LDHA: variants seen among roughly 807,000 people sequenced by gnomAD.
LDHA encodes the protein L-lactate dehydrogenase A chain.
A neutral mutation model predicts 36.3 loss-of-function variants in LDHA; 10 were observed. The ratio of observed to expected loss-of-function variants is 0.28; its 90% CI spans 0.17 to 0.47. The LOEUF is 0.47. LDHA is among the 20% of genes least tolerant of loss of function. The pLI, the probability that LDHA is intolerant of heterozygous loss-of-function variation, is 0.99. For synonymous variants in LDHA, 110 were observed against 136.7 expected (o/e 0.80, Z 1.36); for missense variants, 267 against 405.8 (o/e 0.66, Z 2.94).
In LDHA at chr11:18,408,055, T is replaced by C. The variant is rs920083001; in HGVS notation, c.*774T>C. 8.8e-6 allele frequency: 4 copies of C among 453,856 alleles called. No homozygotes were observed. Among genetic ancestry groups the C allele is most frequent in the Non-Finnish European group, 1.8e-5 (4 of 226,736 alleles). The allele number at this position is 453,856 out of a possible 1,614,324, so 28.1% of individuals were successfully genotyped here. On this transcript the variant is annotated 3_prime_UTR_variant, in exon 8 of 8. Transcript: ENST00000422447. Reference sequence around the variant, plus strand: ...AAGTCCCAAAGTATTATATATTTGATAATAATGCTAATCATAATTGGAAAG... The same window carrying C: ...AAGTCCCAAAGTATTATATATTTGACAATAATGCTAATCATAATTGGAAAG...
chr11:18,407,145 T>C lies in LDHA; in HGVS notation c.863T>C (p.Phe288Ser). Residue 288 changes from phenylalanine to serine, a missense_variant, in exon 8 of 8, where the codon TTC (phenylalanine) becomes TCC (serine). Transcript: ENST00000422447. ...KGLYGIKDDVFLSVPCILGQN... is the reference protein window; with the variant it reads ...KGLYGIKDDVSLSVPCILGQN... Reference sequence around the variant, plus strand: ...CTTTACGGAATAAAGGATGATGTCTTCCTTAGTGTTCCTTGCATTTTGGGA... The same window carrying C: ...CTTTACGGAATAAAGGATGATGTCTCCCTTAGTGTTCCTTGCATTTTGGGA... The C allele has an allele frequency of 6.2e-7, 1 of 1,610,376 alleles. No homozygotes were observed. Among genetic ancestry groups the C allele is most frequent in the East Asian group, 2.2e-5 (1 of 44,866 alleles).
At chr11:18,396,488 G>A in intron 1 of LDHA, 4 of 828,784 alleles carry the variant, frequency 4.8e-6, no homozygotes, top group Non-Finnish European at 6.6e-6. Context: ...AGGAGCCGGA[G>A]TAGCTCAGAG....
At chr11:18,397,045 A>G in intron 2 of LDHA, 77 bp downstream of exon 2, 4 of 1,273,106 alleles carry the variant, frequency 3.1e-6, no homozygotes, top group Non-Finnish European at 4.6e-6. Context: ...CTAGAACTGT[A>G]TTATTACATT....
intron 4 of LDHA, among the ~76,000 whole-genome samples, chr11:18,401,910 C>T: frequency 6.8e-6 from 1 of 147,774 alleles, no homozygotes; most frequent in Non-Finnish European, 1.5e-5. Flanking sequence ...AATTACCTGC[C>T]CAAGATCTTG....
At chr11:18,396,164 C>T (rs774970716) in intron 1 of LDHA, 6 of 191,138 alleles carry the variant, frequency 3.1e-5, no homozygotes, top group East Asian at 2.5e-4. Flanking sequence ...CCGATGCCCG[C>T]TTCCCAACGG....
At chr11:18,403,110 C>CTACTGAATGGAT in intron 5 of LDHA, 97 bp downstream of exon 5, 3 of 998,726 alleles carry the variant, frequency 3.0e-6, no homozygotes, top group Non-Finnish European at 4.6e-6. Context: ...AATATCCATT[C>CTACTGAATGGAT]AGTAGGATGG....
At chr11:18,398,542 C>G (rs564856089) in intron 2 of LDHA, 1 of 149,804 alleles carries the variant, frequency 6.7e-6, no homozygotes, top group Admixed American at 6.7e-5. Context: ...CCCACCGCCA[C>G]GCCTGGCTGA....
chr11:18,397,464 T>TA (rs1866341611), intron 2 of LDHA: 1 of 153,164 alleles, frequency 6.5e-6, no homozygotes, highest in Non-Finnish European at 1.5e-5. Flanking sequence ...CACTCCTTAT[T>TA]ACACTATTGA....
At chr11:18,399,199 A>C in intron 2 of LDHA, 2 of 489,488 alleles carry the variant, frequency 4.1e-6, no homozygotes, top group Admixed American at 3.3e-5. Flanking sequence ...GAACTCCTAT[A>C]GAGCTCGCTT....
intron 3 of LDHA, chr11:18,399,841 C>T (rs1277031055): frequency 2.7e-6 from 1 of 364,564 alleles, no homozygotes; most frequent in Non-Finnish European, 5.3e-6. Context: ...GTGATCCTCC[C>T]TCCTTAGCCT....
intron 1 of LDHA, chr11:18,396,346 G>A: frequency 2.5e-6 from 1 of 396,578 alleles, no homozygotes; most frequent in East Asian, 3.6e-5. Flanking sequence ...GCGGGAAGGA[G>A]AGCCACAAAG....
chr11:18,396,188 G>C (rs1199912600), intron 1 of LDHA: 3 of 221,802 alleles, frequency 1.4e-5, no homozygotes, highest in Non-Finnish European at 2.6e-5. Flanking sequence ...GAGGCCGCTA[G>C]ACTAATCGGC....
intron 7 of LDHA, chr11:18,405,786 A>T: frequency 4.0e-6 from 2 of 503,524 alleles, no homozygotes; most frequent in Non-Finnish European, 7.1e-6. Flanking sequence ...TAATTTGACT[A>T]CAAAAAAGTC....
intron 1 of LDHA, chr11:18,396,524 C>T (rs960887977): frequency 5.4e-6 from 7 of 1,304,654 alleles, no homozygotes; most frequent in Non-Finnish European, 2.0e-6. Context: ...AAAGGCCAGC[C>T]CCACTTGGGG....
chr11:18,400,902 G>A lies in LDHA; in HGVS notation c.310G>A (p.Glu104Lys). 1 of 1,613,324 alleles carries A rather than the reference G, an allele frequency of 6.2e-7. No individual in the cohort carries two copies. The highest frequency in any genetic ancestry group is 8.5e-7 in the Non-Finnish European group (1 of 1,179,482). The change falls in exon 4 of 8, where the codon GAA (glutamate) becomes AAA (lysine). Residue 104 changes from glutamate (E) to lysine (K), a missense_variant. Glu to Lys is a moderately conservative substitution (Grantham distance 56, BLOSUM62 1). Coordinates refer to ENST00000422447, the MANE Select transcript of LDHA (RefSeq NM_005566.4). ...ITAGARQQEG[E>K]SRLNLVQRNV... ...GGCTGGGGCACGTCAGCAAGAGGGA[G>A]AAAGCCGTCTTAATTTGGTCCAGCG...
At chr11:18,397,254 GATTTTAAATGAGCCAAAATTCTTTT>G (rs925587647) in intron 2 of LDHA, 5 of 256,904 alleles carry the variant, frequency 1.9e-5, no homozygotes, top group African/African-American at 1.1e-4. Flanking sequence ...AAGGGTCCAT[GATTTTAAATGAGCCAAAATTCTTTT>G]AAAGTGATTT....
chr11:18,400,389 A>G, intron 3 of LDHA: 2 of 275,256 alleles, frequency 7.3e-6, no homozygotes, highest in Non-Finnish European at 1.4e-5. Flanking sequence ...TTAAGTGTAA[A>G]GCTGTCTCTG....
At chr11:18,400,426 CCACCACACACACACACACACACACA>C in intron 3 of LDHA, 7 of 238,978 alleles carry the variant, frequency 2.9e-5, no homozygotes, top group Admixed American at 6.6e-5. Context: ...CCTACCACCA[CCACCACACACACACACACACACACA>C]CACACACACA....
chr11:18,403,683 A>G lies in LDHA; in HGVS notation c.593-11A>G, dbSNP rs750754695. 9 of 1,448,884 alleles carry G rather than the reference A, an allele frequency of 6.2e-6. No homozygotes were observed. The highest frequency in any genetic ancestry group is 1.4e-5 in the African/African-American group (1 of 71,724). 89.8% of individuals were successfully genotyped at this position (1,448,884 alleles called of 1,614,324 possible). ...CATGAAAATAAATGTAGTCTGTACT[A>G]TTTCTTTTAGTGCCTGTATGGAGTG... On this transcript the variant is annotated splice_polypyrimidine_tract_variant and intron_variant, in intron 5 of 7. Coordinates refer to ENST00000422447, the MANE Select transcript of LDHA (RefSeq NM_005566.4).
Sources: allele counts gnomAD v4.1 joint callset (sites outside exome capture counted in the v4.1 genomes callset), GRCh38; gene constraint gnomAD v4.1.1; transcripts MANE v1.5; gene names NCBI Gene and HGNC (gene_info 2026-07-23, HGNC 2026-07-21).